The following KBTBD11 variants were observed in gnomAD, a reference collection of about 807,000 sequenced individuals.
KBTBD11 encodes the protein kelch repeat and BTB domain-containing protein 11.
For missense variants in KBTBD11, 1,390 were observed against 1,001.8 expected, an observed-to-expected ratio of 1.39 and a Z score of -5.23; for synonymous variants, 747 against 499.0, an observed-to-expected ratio of 1.50 and a Z score of -6.63.
At position 2,003,216 on chromosome 8, in the gene KBTBD11, C is replaced by T. The variant is rs1817465728; in HGVS notation, c.*152C>T. On this transcript the variant is annotated 3_prime_UTR_variant, in exon 2 of 2. Transcript: ENST00000320248. ...AGGAGCCCCGAGGACGCTCTCAGGGCCGCTTTCGCTTTGCTTTCCTTTTGC... is the reference window on the plus strand; with the variant it reads ...AGGAGCCCCGAGGACGCTCTCAGGGTCGCTTTCGCTTTGCTTTCCTTTTGC... The T allele has an allele frequency of 2.6e-6, 3 of 1,174,138 alleles. No individual in the cohort carries two copies. The highest frequency in any genetic ancestry group is 3.2e-6 in the Non-Finnish European group (3 of 923,412). The allele number at this position is 1,174,138 out of a possible 1,614,324, so 72.7% of individuals were successfully genotyped here. A position where few individuals can be genotyped will look rare whatever the true frequency, so the allele number is the denominator to read the frequency against.
At chr8:1,978,947 T>C (rs2129308410) in intron 1 of KBTBD11, among the ~76,000 whole-genome samples, 1 of 152,256 alleles carries the variant, frequency 6.6e-6, no homozygotes, top group South Asian at 2.1e-4. Context: ...TCCAAAGCAA[T>C]GAGAGACCCA....
chr8:1,997,819 T>A (rs1817199785), intron 1 of KBTBD11, among the ~76,000 whole-genome samples: 1 of 152,236 alleles, frequency 6.6e-6, no homozygotes, highest in Non-Finnish European at 1.5e-5. Flanking sequence ...CATCCCCTGC[T>A]CTGCCAACTT....
At chr8:1,993,447 A>G (rs1337568625) in intron 1 of KBTBD11, among the ~76,000 whole-genome samples, 1 of 148,752 alleles carries the variant, frequency 6.7e-6, no homozygotes, top group East Asian at 2.0e-4. Context: ...CCATCCATCT[A>G]TCCATCCAAT....
chr8:1,997,627 C>G (rs759132832), intron 1 of KBTBD11, among the ~76,000 whole-genome samples: 130 of 152,362 alleles, frequency 8.5e-4, no homozygotes, highest in Admixed American at 1.2e-3. Context: ...CCTGATGCAG[C>G]CTTGCTGCTG....
At position 2,001,131 on chromosome 8, in the gene KBTBD11, T is replaced by A; in HGVS notation, c.-62T>A. ...GGAAACCCCGGAGTAAGGCTCGACC[T>A]TGGCCAGACCTGCAGGCTGCGGAAC... On this transcript the variant is annotated 5_prime_UTR_variant, in exon 2 of 2. In the 5' UTR this introduces an upstream ATG that the reference lacks. Transcript: ENST00000320248. 1.6e-6 allele frequency: 2 copies of A among 1,282,162 alleles called. No homozygotes were observed. Among genetic ancestry groups the A allele is most frequent in the Non-Finnish European group, 2.0e-6 (2 of 1,015,106 alleles). 79.4% of individuals were successfully genotyped at this position (1,282,162 alleles called of 1,614,324 possible). A position where few individuals can be genotyped will look rare whatever the true frequency, so the allele number is the denominator to read the frequency against.
intron 1 of KBTBD11, chr8:1,974,467 C>T (rs987630805): frequency 4.1e-6 from 4 of 980,872 alleles, no homozygotes; most frequent in Admixed American, 6.3e-5. Flanking sequence ...CGGGGATCGG[C>T]TGTCCGGAGC....
In KBTBD11 at chr8:1,991,533, G is replaced by C. The variant is rs545083503; in HGVS notation, c.-908-8752G>C. ...TGCTGGAGATAATGAGCTTTCCCTC[G>C]ATTCCAGCTCTGTGATCCATGAGGG... On this transcript the variant is annotated intron_variant, in intron 1 of 1. Coordinates refer to ENST00000320248, the MANE Select transcript of KBTBD11 (RefSeq NM_014867.3). Among the ~76,000 whole-genome samples, 21 of 152,096 alleles carry C rather than the reference G, an allele frequency of 1.4e-4. No homozygotes were observed. The East Asian group carries it at 3.9e-3, about 28-fold the overall frequency.
intron 1 of KBTBD11, among the ~76,000 whole-genome samples, chr8:1,977,230 T>C (rs1169656833): frequency 6.6e-6 from 1 of 152,168 alleles, no homozygotes; most frequent in Non-Finnish European, 1.5e-5. Flanking sequence ...TGGATTAATT[T>C]TGTAGCATGG....
chr8:1,974,442 G>C, intron 1 of KBTBD11: 1 of 984,318 alleles, frequency 1.0e-6, no homozygotes, highest in Admixed American at 6.2e-5. Flanking sequence ...TGCTCCGCTT[G>C]GCTCTCGGCG....
chr8:1,983,074 C>A (rs1816592604), intron 1 of KBTBD11, among the ~76,000 whole-genome samples: 1 of 152,136 alleles, frequency 6.6e-6, no homozygotes, highest in African/African-American at 2.4e-5. Flanking sequence ...TGTACCCAGT[C>A]CCCTCCTGCC....
chr8:2,001,680 A>C lies in KBTBD11; in HGVS notation c.488A>C (p.Asp163Ala). Residue 163 changes from aspartate (D) to alanine (A), a missense_variant, in exon 2 of 2, where the codon GAC becomes GCC. Coordinates refer to ENST00000320248, the MANE Select transcript of KBTBD11 (RefSeq NM_014867.3). ...AAGGCGGTGCTGGCGGCGCGCAGCG[A>C]CTACTTCCGCGCGCGCGCGTCGCGG... ...AHKAVLAARS[D>A]YFRARASRDV... 6.9e-7 allele frequency: 1 copy of C among 1,452,018 alleles called. No individual in the cohort carries two copies. The highest frequency in any genetic ancestry group is 9.0e-7 in the Non-Finnish European group (1 of 1,106,984). The allele number at this position is 1,452,018 out of a possible 1,614,324, so 89.9% of individuals were successfully genotyped here. A position where few individuals can be genotyped will look rare whatever the true frequency, so the allele number is the denominator to read the frequency against.
rs1345251594 is a variant in KBTBD11 at position 2,005,626 on chromosome 8, CTG to C, written c.*2566_*2567del. On this transcript the variant is annotated 3_prime_UTR_variant, in exon 2 of 2. Coordinates refer to ENST00000320248, the MANE Select transcript of KBTBD11 (RefSeq NM_014867.3). Reference sequence around the variant, plus strand: ...TGGTGTTCTAAGTCTGCGTCCAACACTGTGTAGGAAAAAGGTTGGTGCAAAAA... The same window carrying C: ...TGGTGTTCTAAGTCTGCGTCCAACACTGTAGGAAAAAGGTTGGTGCAAAAA... 2 of 167,114 alleles carry C rather than the reference CTG, an allele frequency of 1.2e-5. No homozygotes were observed. Among genetic ancestry groups the C allele is most frequent in the Non-Finnish European group, 2.9e-5 (2 of 68,134 alleles). 10.4% of individuals were successfully genotyped at this position (167,114 alleles called of 1,614,324 possible). A position where few individuals can be genotyped will look rare whatever the true frequency, so the allele number is the denominator to read the frequency against.
intron 1 of KBTBD11, among the ~76,000 whole-genome samples, chr8:1,995,313 A>G (rs1237491148): frequency 6.6e-6 from 1 of 152,100 alleles, no homozygotes; most frequent in Non-Finnish European, 1.5e-5. Flanking sequence ...GAAGGCAGAC[A>G]CTAAGAGCAG....
At chr8:1,983,920 A>G (rs963238328) in intron 1 of KBTBD11, among the ~76,000 whole-genome samples, 4 of 151,916 alleles carry the variant, frequency 2.6e-5, no homozygotes, top group African/African-American at 7.3e-5. Context: ...ACCTGAGGTC[A>G]GGAGTTTGAG....
At position 2,006,380 on chromosome 8, in the gene KBTBD11, C is replaced by T. The variant is rs1015120729; in HGVS notation, c.*3316C>T. 2.4e-5 allele frequency: 4 copies of T among 166,942 alleles called. No individual in the cohort carries two copies. The highest frequency in any genetic ancestry group is 5.9e-5 in the Non-Finnish European group (4 of 68,114). 10.3% of individuals were successfully genotyped at this position (166,942 alleles called of 1,614,324 possible). A position where few individuals can be genotyped will look rare whatever the true frequency, so the allele number is the denominator to read the frequency against. On this transcript the variant is annotated 3_prime_UTR_variant, in exon 2 of 2. Transcript: ENST00000320248. Reference sequence around the variant, plus strand: ...GTAAACAAAAGTGCATTTTTGTATTCTTGTTAATTTTAGATGCTTTCCTAG... The same window carrying T: ...GTAAACAAAAGTGCATTTTTGTATTTTTGTTAATTTTAGATGCTTTCCTAG...
Position 2,001,371 on chromosome 8 carries a change from G to T in KBTBD11, c.179G>T (p.Gly60Val). 1.4e-6 allele frequency: 2 copies of T among 1,471,912 alleles called. No individual in the cohort carries two copies. Among genetic ancestry groups the T allele is most frequent in the Non-Finnish European group, 1.8e-6 (2 of 1,115,846 alleles). 91.2% of individuals were successfully genotyped at this position (1,471,912 alleles called of 1,614,324 possible). The change falls in exon 2 of 2, where the codon GGC becomes GTC. Residue 60 changes from glycine (G) to valine (V), a missense_variant. Physicochemically the swap from Gly to Val is moderately radical, Grantham distance 109. Coordinates refer to ENST00000320248, the MANE Select transcript of KBTBD11 (RefSeq NM_014867.3). ...PPQSLASAAEGAATSPPSSGG... is the reference protein window; with the variant it reads ...PPQSLASAAEVAATSPPSSGG... ...CAGTCCCTCGCCTCAGCGGCGGAAG[G>T]CGCGGCCACCTCCCCGCCCTCCAGC...
rs955052692 is a variant in KBTBD11, at chr8:2,006,158, A to G, written c.*3094A>G. The G allele has an allele frequency of 6.0e-6, 1 of 167,118 alleles. No individual in the cohort carries two copies. Among genetic ancestry groups the G allele is most frequent in the Non-Finnish European group, 1.5e-5 (1 of 68,130 alleles). The allele number at this position is 167,118 out of a possible 1,614,324, so 10.4% of individuals were successfully genotyped here. On this transcript the variant is annotated 3_prime_UTR_variant, in exon 2 of 2. Transcript: ENST00000320248. The stretch of plus-strand genomic sequence containing the variant: ...AAGTTTGGCTACAAATAAGTAAGAA[A>G]TTAATCATCTGCTCTGTTTCTGCTA...
At chr8:1,984,984 G>A (rs997545828) in intron 1 of KBTBD11, among the ~76,000 whole-genome samples, 2 of 152,146 alleles carry the variant, frequency 1.3e-5, no homozygotes, top group African/African-American at 4.8e-5. Context: ...TTTGAATCAG[G>A]GTGGAATGGC....
chr8:1,981,680 AATTCTTTCTC>A (rs1328891573), intron 1 of KBTBD11, among the ~76,000 whole-genome samples: 31 of 152,246 alleles, frequency 2.0e-4, no homozygotes, highest in African/African-American at 7.2e-4. Context: ...AAGAAGGGCA[AATTCTTTCTC>A]TGCCTCTCCC....
Sources: allele counts gnomAD v4.1 joint callset (sites outside exome capture counted in the v4.1 genomes callset), GRCh38; gene constraint gnomAD v4.1.1; transcripts MANE v1.5; gene names NCBI Gene and HGNC (gene_info 2026-07-23, HGNC 2026-07-21).